The following HNF4G variants were observed in gnomAD, a reference collection of about 807,000 sequenced individuals.
The protein encoded by HNF4G is hepatocyte nuclear factor 4-gamma.
HNF4G carries 21 observed loss-of-function variants against 50.9 expected under a neutral mutation model. The observed-to-expected ratio is 0.41, with a 90% CI of 0.29 to 0.59. HNF4G has a LOEUF of 0.59. HNF4G is among the 20% of genes least tolerant of loss of function. HNF4G has a pLI of 0.26. For missense variants in HNF4G, 527 were observed against 559.4 expected, an observed-to-expected ratio of 0.94 and a Z score of 0.58; for synonymous variants, 198 against 185.6, an observed-to-expected ratio of 1.07 and a Z score of -0.54.
chr8:75,442,196 C>T (rs1811302555), intron 1 of HNF4G, among the ~76,000 whole-genome samples: 1 of 151,992 alleles, frequency 6.6e-6, no homozygotes. Context: ...GAAATTACCC[C>T]AGAGAGTGGA....
intron 1 of HNF4G, among the ~76,000 whole-genome samples, chr8:75,419,004 G>T (rs1368284353): frequency 1.4e-4 from 21 of 152,160 alleles, no homozygotes; most frequent in Admixed American, 1.4e-3. Context: ...TGGGATTACA[G>T]GCGTGAGCCA....
chr8:75,543,291 C>T (rs2130787824), intron 1 of HNF4G, among the ~76,000 whole-genome samples: 1 of 152,130 alleles, frequency 6.6e-6, no homozygotes, highest in East Asian at 1.9e-4. Context: ...GGAGAGAATA[C>T]AATAAAGACT....
At chr8:75,526,596 C>A (rs1483839914) in intron 2 of HNF4G, among the ~76,000 whole-genome samples, 2 of 151,814 alleles carry the variant, frequency 1.3e-5, no homozygotes, top group African/African-American at 4.8e-5. Flanking sequence ...TACAGTGGCA[C>A]CATCATAGCT....
At chr8:75,463,199 T>G (rs541499645) in intron 1 of HNF4G, among the ~76,000 whole-genome samples, 1 of 152,196 alleles carries the variant, frequency 6.6e-6, no homozygotes, top group East Asian at 1.9e-4. Context: ...TGTTTGCTGG[T>G]ATAGGTGTAC....
At chr8:75,520,748 C>A (rs1437378082) in intron 2 of HNF4G, among the ~76,000 whole-genome samples, 1 of 152,058 alleles carries the variant, frequency 6.6e-6, no homozygotes, top group Admixed American at 6.6e-5. Context: ...TATGATTTTA[C>A]TTTCACTTAG....
intron 1 of HNF4G, among the ~76,000 whole-genome samples, chr8:75,447,045 C>T (rs1585850629): frequency 2.1e-5 from 3 of 144,124 alleles, no homozygotes; most frequent in Admixed American, 2.1e-4. Context: ...TACAAGGCTA[C>T]AGTAACCAAA....
chr8:75,418,979 G>A (rs1027534344), intron 1 of HNF4G, among the ~76,000 whole-genome samples: 3 of 151,934 alleles, frequency 2.0e-5, no homozygotes, highest in Non-Finnish European at 2.9e-5. Flanking sequence ...CGCCTGCCTC[G>A]GCCTCCTGAA....
chr8:75,490,907 C>G (rs1585890548), intron 2 of HNF4G, among the ~76,000 whole-genome samples: 1 of 152,302 alleles, frequency 6.6e-6, no homozygotes, highest in Middle Eastern at 3.4e-3. Flanking sequence ...TCCTGTCTCC[C>G]TCTCTTAGCT....
At chr8:75,490,195 C>T (rs1329176298) in exon 2 of HNF4G, 1 of 152,542 alleles carries the variant, frequency 6.6e-6, no homozygotes, top group Non-Finnish European at 1.5e-5. Context: ...GACTCCGTTC[C>T]CTACCACAGC....
At chr8:75,455,029 T>TA (rs1415976347) in intron 1 of HNF4G, among the ~76,000 whole-genome samples, 3 of 152,220 alleles carry the variant, frequency 2.0e-5, no homozygotes, top group Non-Finnish European at 4.4e-5. Context: ...TAAAGGTTTT[T>TA]AGTCTCTCAT....
upstream of HNF4G, among the ~76,000 whole-genome samples, chr8:75,535,488 T>C (rs1297726975): frequency 6.6e-6 from 1 of 151,872 alleles, no homozygotes; most frequent in African/African-American, 2.4e-5. Context: ...TTGATTTAGA[T>C]TGTTATTCTT....
chr8:75,526,209 A>T (rs1026257094), intron 2 of HNF4G, among the ~76,000 whole-genome samples: 1 of 150,796 alleles, frequency 6.6e-6, no homozygotes, highest in African/African-American at 2.4e-5. Context: ...GCTCACTGAA[A>T]CCTCAATCTC....
intron 5 of HNF4G, among the ~76,000 whole-genome samples, chr8:75,553,827 T>A (rs539098408): frequency 6.6e-6 from 1 of 152,324 alleles, no homozygotes; most frequent in South Asian, 2.1e-4. Flanking sequence ...GATCTTTTAC[T>A]AATACTTCTA....
chr8:75,443,769 T>C (rs1278171921), intron 1 of HNF4G, among the ~76,000 whole-genome samples: 1 of 152,164 alleles, frequency 6.6e-6, no homozygotes, highest in Non-Finnish European at 1.5e-5. Flanking sequence ...TTTTTGTAGT[T>C]GTAATAAATC....
intron 2 of HNF4G, among the ~76,000 whole-genome samples, chr8:75,494,998 A>G (rs1434118762): frequency 2.0e-5 from 3 of 152,312 alleles, no homozygotes; most frequent in African/African-American, 4.8e-5. Context: ...AGTGTAAGTG[A>G]TGCCAGTAGT....
chr8:75,488,998 G>A (rs1373357283), intron 1 of HNF4G, among the ~76,000 whole-genome samples: 1 of 152,146 alleles, frequency 6.6e-6, no homozygotes, highest in Non-Finnish European at 1.5e-5. Context: ...TAGGCTCACC[G>A]CTCACTTTGG....
intron 2 of HNF4G, among the ~76,000 whole-genome samples, chr8:75,526,235 C>A (rs2130756191): frequency 6.6e-6 from 1 of 151,952 alleles, no homozygotes; most frequent in Non-Finnish European, 1.5e-5. Flanking sequence ...CTCAATCGAT[C>A]TTCTCACCTC....
At chr8:75,495,675 C>A (rs1812751343) in intron 2 of HNF4G, among the ~76,000 whole-genome samples, 1 of 151,710 alleles carries the variant, frequency 6.6e-6, no homozygotes, top group South Asian at 2.1e-4. Flanking sequence ...GTAGATGAGC[C>A]CACAGGCCCG....
At chr8:75,544,281 C>T (rs1212902332) in intron 2 of HNF4G, among the ~76,000 whole-genome samples, 2 of 152,280 alleles carry the variant, frequency 1.3e-5, no homozygotes, top group South Asian at 2.1e-4. Context: ...TTTTCTCCCT[C>T]GTCTCCTAGA....
Sources: allele counts gnomAD v4.1 joint callset (sites outside exome capture counted in the v4.1 genomes callset), GRCh38; gene constraint gnomAD v4.1.1; transcripts MANE v1.5; gene names NCBI Gene and HGNC (gene_info 2026-07-23, HGNC 2026-07-21).